The following PDZD9 variants were observed in gnomAD, a reference collection of about 807,000 sequenced individuals.
PDZD9 encodes PDZ domain containing 9.
In PDZD9, 13 loss-of-function variants were observed where a neutral mutation model predicts 16.3. That is an observed-to-expected ratio of 0.80 (90% CI 0.52 to 1.27). The LOEUF (loss-of-function observed/expected upper bound fraction) is 1.27, where lower values mean the gene tolerates loss of function less well. Ranked by LOEUF, PDZD9 falls within the 50% of genes most tolerant of loss-of-function variation. PDZD9 has a pLI of 0.00. For missense variants in PDZD9, 288 were observed against 310.9 expected (o/e 0.93, Z 0.55); for synonymous variants, 120 against 111.0 (o/e 1.08, Z -0.51).
chr16:21,974,306 G>A, the PDZD9 span, among the ~76,000 whole-genome samples: 5 of 152,298 alleles, frequency 3.3e-5, no homozygotes, highest in African/African-American at 1.2e-4. Context: ...TGTAGAGATT[G>A]TGTTGAAATC....
the PDZD9 span, chr16:21,972,027 C>T: frequency 6.2e-7 from 1 of 1,614,204 alleles, no homozygotes; most frequent in South Asian, 1.1e-5. Flanking sequence ...TGTTCTTCAG[C>T]ATGTCCTCGG....
At chr16:21,959,068 G>A in the PDZD9 span, among the ~76,000 whole-genome samples, 1 of 152,184 alleles carries the variant, frequency 6.6e-6, no homozygotes, top group African/African-American at 2.4e-5. Context: ...CTTTGCTGGT[G>A]GAGGGTCTTG....
intron 3 of PDZD9, among the ~76,000 whole-genome samples, chr16:21,986,324 C>T (rs1044588575): frequency 6.6e-6 from 1 of 152,130 alleles, no homozygotes; most frequent in Non-Finnish European, 1.5e-5. Flanking sequence ...TGTGGGTTTT[C>T]GCCTCTTACT....
intron 2 of PDZD9, 127 bp downstream of exon 2, chr16:21,996,195 G>A: frequency 5.9e-6 from 7 of 1,187,420 alleles, no homozygotes; most frequent in Non-Finnish European, 8.0e-6. Context: ...CAAAGTGCTG[G>A]GATTACAGGC....
intron 2 of PDZD9, among the ~76,000 whole-genome samples, chr16:21,989,613 G>A (rs1460062212): frequency 6.6e-6 from 1 of 152,116 alleles, no homozygotes; most frequent in East Asian, 1.9e-4. Context: ...TGCAGTATTA[G>A]TTGAGCAAAT....
downstream of PDZD9, among the ~76,000 whole-genome samples, chr16:21,979,032 A>G (rs562286425): frequency 4.6e-5 from 7 of 152,238 alleles, no homozygotes; most frequent in Non-Finnish European, 1.0e-4. Flanking sequence ...AGAATCTTCA[A>G]ACTACAAGCA....
the PDZD9 span, among the ~76,000 whole-genome samples, chr16:21,975,566 G>A: frequency 5.3e-5 from 8 of 152,160 alleles, no homozygotes; most frequent in African/African-American, 1.7e-4. Context: ...TATTTACCAA[G>A]TACCCACATC....
chr16:21,960,387 T>C, the PDZD9 span, among the ~76,000 whole-genome samples: 8 of 152,246 alleles, frequency 5.3e-5, no homozygotes, highest in African/African-American at 1.4e-4. Flanking sequence ...AGCCTTCATA[T>C]AATTGAAGAG....
chr16:21,963,854 C>G, the PDZD9 span, among the ~76,000 whole-genome samples: 1 of 152,112 alleles, frequency 6.6e-6, no homozygotes, highest in Admixed American at 6.5e-5. Flanking sequence ...TATTGTATTG[C>G]TATTATTGTT....
chr16:21,958,233 G>A, the PDZD9 span, among the ~76,000 whole-genome samples: 1 of 152,038 alleles, frequency 6.6e-6, no homozygotes, highest in Non-Finnish European at 1.5e-5. Context: ...TTTTTAACAG[G>A]AAGTGCCGCA....
chr16:21,961,626 TTATATATATATA>T, the PDZD9 span, among the ~76,000 whole-genome samples: 2,461 of 64,424 alleles, frequency 0.038, 137 homozygotes, highest in Middle Eastern at 0.12. Context: ...AACATAAAAT[TTATATATATATA>T]TATATATATA....
the PDZD9 span, chr16:21,971,829 G>T: frequency 1.3e-6 from 2 of 1,553,454 alleles, no homozygotes; most frequent in Non-Finnish European, 1.8e-6. Context: ...GAAAAGACTC[G>T]TGGGTTAATA....
chr16:21,985,488 CTT>C (rs927188038), intron 3 of PDZD9, among the ~76,000 whole-genome samples: 7 of 152,002 alleles, frequency 4.6e-5, no homozygotes, highest in Admixed American at 1.3e-4. Context: ...CAATTATTGA[CTT>C]TCTTGATTGT....
the PDZD9 span, chr16:21,972,019 T>A: frequency 6.2e-7 from 1 of 1,614,216 alleles, no homozygotes; most frequent in Non-Finnish European, 8.5e-7. Flanking sequence ...GCATTTAGTG[T>A]TCTTCAGCAT....
the PDZD9 span, among the ~76,000 whole-genome samples, chr16:21,961,626 T>TTATATATACA: frequency 1.6e-5 from 1 of 64,476 alleles, no homozygotes; most frequent in South Asian, 4.9e-4. Flanking sequence ...AACATAAAAT[T>TTATATATACA]TATATATATA....
At chr16:21,967,038 A>G in the PDZD9 span, among the ~76,000 whole-genome samples, 2 of 152,216 alleles carry the variant, frequency 1.3e-5, no homozygotes, top group African/African-American at 2.4e-5. Context: ...GTATGTATGT[A>G]TGCATTATAG....
chr16:21,960,948 C>T, the PDZD9 span, among the ~76,000 whole-genome samples: 4,535 of 152,062 alleles, frequency 0.03, 235 homozygotes, highest in African/African-American at 0.1. Context: ...CTTCTCCCTC[C>T]GCTTCCCAAG....
At chr16:21,992,509 G>C (rs890739488) in intron 2 of PDZD9, among the ~76,000 whole-genome samples, 1 of 152,148 alleles carries the variant, frequency 6.6e-6, no homozygotes, top group Admixed American at 6.5e-5. Context: ...AATCTGGGTA[G>C]GCACCATCCA....
At chr16:21,977,748 T>C in the PDZD9 span, among the ~76,000 whole-genome samples, 2 of 152,250 alleles carry the variant, frequency 1.3e-5, no homozygotes, top group Non-Finnish European at 2.9e-5. Flanking sequence ...GTGGTCGTTA[T>C]GATCATTTAG....
Sources: gnomAD v4.1 joint callset for allele counts (sites outside exome capture counted in the v4.1 genomes callset) on GRCh38, gnomAD v4.1.1 for gene constraint, MANE v1.5 for transcripts, NCBI Gene and HGNC (gene_info 2026-07-23, HGNC 2026-07-21) for gene names.